The following SPTLC1 variants were observed in gnomAD, a reference collection of about 807,000 sequenced individuals.
SPTLC1 encodes serine palmitoyltransferase 1.
A neutral mutation model predicts 68.9 loss-of-function variants in SPTLC1; 55 were observed. That is an observed-to-expected ratio of 0.80 (90% CI 0.64 to 1.00). The LOEUF (loss-of-function observed/expected upper bound fraction) is 1.00, where lower values mean the gene tolerates loss of function less well. Ranked by LOEUF, SPTLC1 falls within the 50% of genes least tolerant of loss-of-function variation. SPTLC1 has a pLI of 0.00. For missense variants in SPTLC1, 449 were observed against 573.1 expected (o/e 0.78, Z 2.21); for synonymous variants, 197 against 201.6 (o/e 0.98, Z 0.19).
At position 92,033,756 on chromosome 9, in the gene SPTLC1, A is replaced by G. The variant is rs190899521; in HGVS notation, c.1328+1054T>C. Among the ~76,000 whole-genome samples, 211 of 152,260 alleles carry G rather than the reference A, an allele frequency of 1.4e-3. 1 individual carries two copies. The highest frequency in any genetic ancestry group is 3.9e-3 in the African/African-American group (160 of 41,540). On this transcript the variant is annotated intron_variant, in intron 14 of 14. Transcript: ENST00000262554. ...GAGATGGGGTTTCACCATGTTGCCC[A>G]GGCTGGTCTTGTACTCCTGGGCTCA...
chr9:92,047,800 C>T, intron 9 of SPTLC1, 92 bp from the exon 10 acceptor site: 3 of 802,602 alleles, frequency 3.7e-6, no homozygotes, highest in Non-Finnish European at 6.4e-6. Context: ...CAGCATTAAA[C>T]TGTCTGTTAA....
At chr9:92,036,560 G>A (rs1300725454) in intron 13 of SPTLC1, among the ~76,000 whole-genome samples, 3 of 152,198 alleles carry the variant, frequency 2.0e-5, no homozygotes, top group African/African-American at 7.2e-5. Context: ...CAGTGAGAAC[G>A]GCGGAGCCAT....
At chr9:92,081,385 G>T (rs1026404165) in intron 3 of SPTLC1, among the ~76,000 whole-genome samples, 1 of 152,264 alleles carries the variant, frequency 6.6e-6, no homozygotes, top group African/African-American at 2.4e-5. Flanking sequence ...ATAGTTAAAC[G>T]GCTTAAAAAG....
At chr9:92,033,203 C>T (rs1587897968) in intron 14 of SPTLC1, among the ~76,000 whole-genome samples, 1 of 152,194 alleles carries the variant, frequency 6.6e-6, no homozygotes, top group Non-Finnish European at 1.5e-5. Context: ...AGCATCCTGT[C>T]CATCATGTAC....
In SPTLC1 at chr9:92,115,399, T is replaced by C. The variant is rs201897322; in HGVS notation, c.-29A>G. 6.2e-7 allele frequency: 1 copy of C among 1,611,736 alleles called. No homozygotes were observed. The stretch of plus-strand genomic sequence containing the variant: ...TAGCCGCTTCCTTCCGGAAGGCGGG[T>C]CACAAGCGCGTCCCAAAAGTGCGCG... On this transcript the variant is annotated 5_prime_UTR_variant, in exon 1 of 15. Coordinates refer to ENST00000262554, the MANE Select transcript of SPTLC1 (RefSeq NM_006415.4).
Position 92,050,052 on chromosome 9 carries a change from T to C in SPTLC1, c.796A>G (p.Lys266Glu), listed in dbSNP as rs751174671. The C allele has an allele frequency of 6.2e-7, 1 of 1,611,404 alleles. No homozygotes were observed. Among genetic ancestry groups the C allele is most frequent in the Non-Finnish European group, 8.5e-7 (1 of 1,177,478 alleles). The change falls in exon 9 of 15, where the codon AAA becomes GAA. Residue 266 changes from lysine (K) to glutamate (E), a missense_variant. Around this residue, in one of 3 missense-constraint regions of SPTLC1, gnomAD observed 391 missense variants for 472.1 expected, o/e 0.83. Coordinates refer to ENST00000262554, the MANE Select transcript of SPTLC1 (RefSeq NM_006415.4). Reference sequence around the variant, plus strand: ...TCCAGGAAGATTCTTGCTTTGTATTTGTATTTTAACTTAACCTAAGTGTTA... The same window carrying C: ...TCCAGGAAGATTCTTGCTTTGTATTCGTATTTTAACTTAACCTAAGTGTTA... The part of the protein sequence containing the change: ...PLPELVKLKY[K>E]YKARIFLEES...
At chr9:92,096,772 A>T (rs1275272317) in intron 3 of SPTLC1, among the ~76,000 whole-genome samples, 2 of 152,250 alleles carry the variant, frequency 1.3e-5, no homozygotes, top group East Asian at 3.8e-4. Flanking sequence ...AGATTAAGCC[A>T]AAGTTTTTAC....
chr9:92,094,808 C>T (rs925885986), intron 3 of SPTLC1, among the ~76,000 whole-genome samples: 1 of 152,200 alleles, frequency 6.6e-6, no homozygotes, highest in Non-Finnish European at 1.5e-5. Flanking sequence ...ATTTCTCCGG[C>T]TATCAGTTGC....
chr9:92,074,497 C>T (rs1323806820), intron 5 of SPTLC1, among the ~76,000 whole-genome samples: 1 of 152,088 alleles, frequency 6.6e-6, no homozygotes, highest in Non-Finnish European at 1.5e-5. Context: ...CATCTCCCCA[C>T]CTTAACCCTA....
At chr9:92,085,016 A>T (rs1036982451) in intron 3 of SPTLC1, among the ~76,000 whole-genome samples, 6 of 151,940 alleles carry the variant, frequency 3.9e-5, no homozygotes, top group Non-Finnish European at 8.8e-5. Context: ...TAGATTTTCT[A>T]GTTTATTTGC....
intron 8 of SPTLC1, 137 bp downstream of exon 8, chr9:92,055,268 T>C (rs1488834022): frequency 4.6e-6 from 7 of 1,517,986 alleles, no homozygotes; most frequent in South Asian, 1.2e-5. Context: ...TCTTCTTCCC[T>C]GATCTGAGCA....
At chr9:92,059,878 T>C (rs1011669586) in intron 6 of SPTLC1, among the ~76,000 whole-genome samples, 6 of 152,014 alleles carry the variant, frequency 3.9e-5, no homozygotes, top group Admixed American at 1.3e-4. Flanking sequence ...CCTAGGGTGT[T>C]GTCAGGGAAG....
rs144771830 is a variant in SPTLC1, at chr9:92,045,892, C to G, written c.1136+107G>C. On this transcript the variant is annotated intron_variant, in intron 12 of 14. Coordinates refer to ENST00000262554, the MANE Select transcript of SPTLC1 (RefSeq NM_006415.4). ...GTGAACTAAGTTTTTGGTTTCTTAGCTGCAATCTGGTCAAACTGACCCAAG... is the reference window on the plus strand; with the variant it reads ...GTGAACTAAGTTTTTGGTTTCTTAGGTGCAATCTGGTCAAACTGACCCAAG... The G allele has an allele frequency of 5.2e-4, 522 of 997,508 alleles. 4 individuals carry two copies. The East Asian group carries it at 0.012, about 23-fold the overall frequency. 61.8% of individuals were successfully genotyped at this position (997,508 alleles called of 1,614,324 possible).
intron 12 of SPTLC1, among the ~76,000 whole-genome samples, chr9:92,040,672 C>T (rs1451607435): frequency 1.3e-5 from 2 of 151,508 alleles, no homozygotes; most frequent in East Asian, 1.9e-4. Context: ...ACAGGAAAAT[C>T]GCTTGAATCT....
At chr9:92,108,893 C>T (rs943599527) in intron 2 of SPTLC1, 59 bp from the exon 3 acceptor site, 2 of 1,585,042 alleles carry the variant, frequency 1.3e-6, no homozygotes, top group African/African-American at 1.4e-5. Context: ...TTATTAGTGT[C>T]TCTGCAACTT....
chr9:92,080,901 A>G lies in SPTLC1; in HGVS notation c.323T>C (p.Phe108Ser). ...CCTAGGGTTATCCAACAATCCAAGA[A>G]AATTAAATGAGGCGAAGTTTATACA... ...KECINFASFN[F>S]LGLLDNPRVK... Residue 108 changes from phenylalanine to serine, a missense_variant, in exon 4 of 15, where the codon TTT (phenylalanine) becomes TCT (serine). Physicochemically the swap from Phe to Ser is radical, Grantham distance 155. Around this residue, in one of 3 missense-constraint regions of SPTLC1, gnomAD observed 391 missense variants for 472.1 expected, o/e 0.83. Transcript: ENST00000262554. 6.2e-7 allele frequency: 1 copy of G among 1,614,170 alleles called. No individual in the cohort carries two copies. The highest frequency in any genetic ancestry group is 8.5e-7 in the Non-Finnish European group (1 of 1,180,016).
At chr9:92,092,105 C>T (rs562738479) in intron 3 of SPTLC1, among the ~76,000 whole-genome samples, 100 of 152,212 alleles carry the variant, frequency 6.6e-4, no homozygotes, top group African/African-American at 2.3e-3. Flanking sequence ...AGACAGAAAA[C>T]GGCTAAGACT....
intron 14 of SPTLC1, among the ~76,000 whole-genome samples, chr9:92,033,542 G>A (rs551664166): frequency 1.5e-3 from 233 of 151,940 alleles, no homozygotes; most frequent in African/African-American, 5.4e-3. Flanking sequence ...ACAAGTAAAC[G>A]TAGGATGTAG....
At chr9:92,104,700 A>C in intron 3 of SPTLC1, 1 of 1,528,284 alleles carries the variant, frequency 6.5e-7, no homozygotes, top group Non-Finnish European at 8.8e-7. Flanking sequence ...GACCAGGTAG[A>C]GACCCAGGGG....
Sources: gnomAD v4.1 joint callset for allele counts (sites outside exome capture counted in the v4.1 genomes callset) on GRCh38, gnomAD v4.1.1 for gene constraint, gnomAD v4.1.1 regional missense constraint, MANE v1.5 for transcripts, NCBI Gene and HGNC (gene_info 2026-07-23, HGNC 2026-07-21) for gene names.